Variants in WASF3 observed in about 807,000 individuals in gnomAD.
The protein encoded by WASF3 is actin-binding protein WASF3.
A neutral mutation model predicts 46.6 loss-of-function variants in WASF3; 11 were observed. The ratio of observed to expected loss-of-function variants is 0.24; its 90% CI spans 0.15 to 0.39. The LOEUF (loss-of-function observed/expected upper bound fraction) is 0.39. WASF3 is among the 10% of genes least tolerant of loss of function. WASF3 has a pLI of 1.00. For missense variants in WASF3, 576 were observed against 669.8 expected, an observed-to-expected ratio of 0.86 and a Z score of 1.55; for synonymous variants, 242 against 259.7, an observed-to-expected ratio of 0.93 and a Z score of 0.65.
chr13:26,570,244 T>A (rs1879594583), intron 1 of WASF3, among the ~76,000 whole-genome samples: 1 of 152,164 alleles, frequency 6.6e-6, no homozygotes, highest in African/African-American at 2.4e-5. Context: ...GCTGAGATCC[T>A]GCCACTGCAC....
intron 1 of WASF3, among the ~76,000 whole-genome samples, chr13:26,564,304 G>A (rs186772814): frequency 1.3e-3 from 192 of 152,304 alleles, no homozygotes; most frequent in African/African-American, 4.4e-3. Flanking sequence ...GCATATGTGT[G>A]TTCCAGCTTG....
At chr13:26,637,192 C>G (rs1255319154) in intron 2 of WASF3, among the ~76,000 whole-genome samples, 1 of 152,182 alleles carries the variant, frequency 6.6e-6, no homozygotes, top group South Asian at 2.1e-4. Context: ...CATGTAATGC[C>G]TGCAGGGGGA....
chr13:26,613,763 C>CG (rs1295560344), intron 2 of WASF3, among the ~76,000 whole-genome samples: 2 of 152,118 alleles, frequency 1.3e-5, no homozygotes, highest in Non-Finnish European at 2.9e-5. Context: ...AGTGAGACTC[C>CG]ATCTCAAGAA....
chr13:26,627,400 T>C (rs1489586884), intron 2 of WASF3, among the ~76,000 whole-genome samples: 2 of 152,156 alleles, frequency 1.3e-5, no homozygotes, highest in African/African-American at 4.8e-5. Flanking sequence ...AGGTGGGGTG[T>C]ACATTTATTG....
intron 6 of WASF3, among the ~76,000 whole-genome samples, chr13:26,674,829 T>C (rs549519066): frequency 5.3e-5 from 8 of 152,258 alleles, no homozygotes; most frequent in Non-Finnish European, 1.0e-4. Context: ...GATAGAATTA[T>C]ATTGCCCGTA....
intron 6 of WASF3, among the ~76,000 whole-genome samples, chr13:26,675,313 CT>C (rs1349660364): frequency 7.9e-5 from 12 of 152,102 alleles, no homozygotes; most frequent in Admixed American, 7.9e-4. Context: ...TCTTTTATTT[CT>C]TTGAGTGCAG....
chr13:26,688,726 G>A lies in WASF3; in HGVS notation c.*2881G>A, dbSNP rs1239096877. 2 of 152,236 alleles carry A rather than the reference G, an allele frequency of 1.3e-5. No homozygotes were observed. The highest frequency in any genetic ancestry group is 2.1e-4 in the South Asian group (1 of 4,820). The allele number at this position is 152,236 out of a possible 1,614,324, so 9.4% of individuals were successfully genotyped here. On this transcript the variant is annotated 3_prime_UTR_variant, in exon 10 of 10. Coordinates refer to ENST00000335327, the MANE Select transcript of WASF3 (RefSeq NM_006646.6). ...ATACATATTAATCCATTAAAGACTAGTGGGAATGTATCAGCCAGAGTAGCA... is the reference window on the plus strand; with the variant it reads ...ATACATATTAATCCATTAAAGACTAATGGGAATGTATCAGCCAGAGTAGCA...
At chr13:26,556,994 A>G (rs1027796722), upstream of WASF3, among the ~76,000 whole-genome samples, 1 of 148,068 alleles carries the variant, frequency 6.8e-6, no homozygotes, top group Admixed American at 6.7e-5. Context: ...CTTTTTCTTA[A>G]GTTTGTTTAT....
At chr13:26,592,342 T>G (rs1374164008) in intron 1 of WASF3, among the ~76,000 whole-genome samples, 2 of 152,198 alleles carry the variant, frequency 1.3e-5, no homozygotes, top group Non-Finnish European at 2.9e-5. Flanking sequence ...TATGGTAATT[T>G]TACCTTACAG....
intron 1 of WASF3, among the ~76,000 whole-genome samples, chr13:26,580,232 AT>A (rs1302919776): frequency 2.0e-5 from 3 of 152,212 alleles, no homozygotes; most frequent in East Asian, 3.9e-4. Context: ...CATTAAAAAA[AT>A]CTCCAACTTT....
chr13:26,671,812 C>T, intron 5 of WASF3, 60 bp from the exon 6 acceptor site: 1 of 1,165,000 alleles, frequency 8.6e-7, no homozygotes, highest in Non-Finnish European at 1.2e-6. Context: ...TAACATTAAC[C>T]TACATATAAA....
intron 3 of WASF3, among the ~76,000 whole-genome samples, chr13:26,647,342 C>T (rs74669185): frequency 0.02 from 3,006 of 152,074 alleles, 108 homozygotes; most frequent in African/African-American, 0.069. Context: ...GGAGGATAGC[C>T]GCTTGGCAAA....
chr13:26,631,083 A>T (rs1247185078), intron 2 of WASF3, among the ~76,000 whole-genome samples: 2 of 151,900 alleles, frequency 1.3e-5, no homozygotes, highest in African/African-American at 2.4e-5. Context: ...GATTGCAAAA[A>T]TTTTCTCCCA....
chr13:26,584,522 T>C (rs970067175), intron 1 of WASF3, among the ~76,000 whole-genome samples: 1 of 152,222 alleles, frequency 6.6e-6, no homozygotes, highest in African/African-American at 2.4e-5. Context: ...TTCTGGTCGT[T>C]AACCAGCGGA....
Position 26,665,113 on chromosome 13 carries a change from T to G in WASF3, c.219T>G (p.Ile73Met), listed in dbSNP as rs1208830880. ...YIRANSLQDR[I>M]DRLAVKVTQL... ...GAGCAAATTCTCTTCAAGACAGAATTGATCGCCTTGCTGTCAAAGTCACCC... is the reference window on the plus strand; with the variant it reads ...GAGCAAATTCTCTTCAAGACAGAATGGATCGCCTTGCTGTCAAAGTCACCC... Residue 73 changes from isoleucine (I) to methionine (M), a missense_variant, in exon 4 of 10, where the codon ATT (isoleucine) becomes ATG (methionine). Physicochemically the swap from Ile to Met is conservative, Grantham distance 10. This residue lies in a region of WASF3 where 213 missense variants were observed against 278.0 expected (regional missense o/e 0.77). Transcript: ENST00000335327. 1.2e-6 allele frequency: 2 copies of G among 1,614,158 alleles called. No individual in the cohort carries two copies. Among genetic ancestry groups the G allele is most frequent in the Non-Finnish European group, 1.7e-6 (2 of 1,180,010 alleles).
intron 5 of WASF3, among the ~76,000 whole-genome samples, chr13:26,668,213 G>A (rs1237393414): frequency 6.6e-6 from 1 of 152,130 alleles, no homozygotes; most frequent in Admixed American, 6.6e-5. Flanking sequence ...AAAAACAATG[G>A]AAAATAAATA....
chr13:26,584,877 T>C (rs1880084621), intron 1 of WASF3, among the ~76,000 whole-genome samples: 1 of 152,198 alleles, frequency 6.6e-6, no homozygotes, highest in Non-Finnish European at 1.5e-5. Context: ...CAAAGTCTTC[T>C]TTGTAAATTA....
chr13:26,676,499 T>C, intron 6 of WASF3, 50 bp from the exon 7 acceptor site: 1 of 1,587,446 alleles, frequency 6.3e-7, no homozygotes, highest in South Asian at 1.2e-5. Flanking sequence ...ACCAGCTGTT[T>C]TCCTTTCCCT....
intron 1 of WASF3, among the ~76,000 whole-genome samples, chr13:26,584,106 G>A (rs994998892): frequency 6.6e-6 from 1 of 152,178 alleles, no homozygotes; most frequent in Non-Finnish European, 1.5e-5. Flanking sequence ...GATCAAACAA[G>A]CATCTAACAA....
Sources: gnomAD v4.1 joint callset for allele counts (sites outside exome capture counted in the v4.1 genomes callset) on GRCh38, gnomAD v4.1.1 for gene constraint, gnomAD v4.1.1 regional missense constraint, MANE v1.5 for transcripts, NCBI Gene and HGNC (gene_info 2026-07-23, HGNC 2026-07-21) for gene names.